Variants in KCNMA1 observed in about 807,000 individuals in gnomAD.
The protein encoded by KCNMA1 is Calcium-activated potassium channel subunit alpha-1.
In KCNMA1, 29 loss-of-function variants were observed where a neutral mutation model predicts 140.0. The ratio of observed to expected loss-of-function variants is 0.21; its 90% CI spans 0.15 to 0.28. The LOEUF (loss-of-function observed/expected upper bound fraction) is 0.28, where lower values mean the gene tolerates loss of function less well. KCNMA1 is among the 10% of genes least tolerant of loss of function. KCNMA1 has a pLI of 1.00. For synonymous variants in KCNMA1, 612 were observed against 611.9 expected (o/e 1.00, Z 0.00); for missense variants, 880 against 1,602.2 (o/e 0.55, Z 7.70).
At chr10:77,529,359 C>T (rs1361921032) in intron 1 of KCNMA1, among the ~76,000 whole-genome samples, 1 of 151,972 alleles carries the variant, frequency 6.6e-6, no homozygotes, top group East Asian at 1.9e-4. Context: ...GCCAGCCTAG[C>T]TCCTCTCAGC....
chr10:77,605,888 T>C (rs995745249), intron 1 of KCNMA1, among the ~76,000 whole-genome samples: 4 of 152,218 alleles, frequency 2.6e-5, no homozygotes, highest in African/African-American at 9.6e-5. Flanking sequence ...CTAGGACTTA[T>C]GGAGGATGTG....
At chr10:77,369,367 G>A (rs1163175932) in intron 2 of KCNMA1, among the ~76,000 whole-genome samples, 2 of 152,184 alleles carry the variant, frequency 1.3e-5, no homozygotes, top group East Asian at 3.8e-4. Context: ...AATCTCTGAA[G>A]GGGGACCTAG....
Position 77,376,948 on chromosome 10 carries a change from A to AATACATACATACATACATACATAC in KCNMA1, c.540+26890_540+26913dup, listed in dbSNP as rs66548732. Among the ~76,000 whole-genome samples, 671 of 148,420 alleles carry AATACATACATACATACATACATAC rather than the reference A, an allele frequency of 4.5e-3. 4 individuals are homozygous for AATACATACATACATACATACATAC. Among genetic ancestry groups the AATACATACATACATACATACATAC allele is most frequent in the Non-Finnish European group, 4.9e-3 (328 of 67,354 alleles). The stretch of plus-strand genomic sequence containing the variant: ...GCAAGATTCCCTCTCAAAATAAATA[A>AATACATACATACATACATACATAC]ATACATACATACATACATACATACA... On this transcript the variant is annotated intron_variant, in intron 2 of 27. Coordinates refer to ENST00000286628, the MANE Select transcript of KCNMA1 (RefSeq NM_001161352.2).
At chr10:77,194,383 T>C (rs2039716845) in intron 3 of KCNMA1, among the ~76,000 whole-genome samples, 1 of 152,198 alleles carries the variant, frequency 6.6e-6, no homozygotes, top group Non-Finnish European at 1.5e-5. Context: ...TTGGACTCTT[T>C]GGGCCTCCCC....
intron 3 of KCNMA1, among the ~76,000 whole-genome samples, chr10:77,216,666 A>G (rs1241516024): frequency 6.6e-6 from 1 of 152,256 alleles, no homozygotes; most frequent in Non-Finnish European, 1.5e-5. Context: ...TCTAGGTACC[A>G]GCTTCTGAAG....
chr10:76,949,010 G>T, intron 22 of KCNMA1, 132 bp downstream of exon 22: 1 of 838,132 alleles, frequency 1.2e-6, no homozygotes. Flanking sequence ...TAGGGGAAGT[G>T]CTGAGTCCTC....
chr10:77,353,589 G>T (rs1382338224), intron 2 of KCNMA1, among the ~76,000 whole-genome samples: 2 of 151,236 alleles, frequency 1.3e-5, no homozygotes, highest in African/African-American at 4.9e-5. Flanking sequence ...ATATATGAAG[G>T]TATATATAAT....
chr10:77,258,641 A>T (rs2061331672), intron 2 of KCNMA1, among the ~76,000 whole-genome samples: 7 of 152,168 alleles, frequency 4.6e-5, no homozygotes, highest in Admixed American at 3.9e-4. Flanking sequence ...TGTTCTTGTC[A>T]TTCCTAAGTC....
intron 19 of KCNMA1, among the ~76,000 whole-genome samples, chr10:76,981,293 GCC>G (rs946386991): frequency 2.6e-5 from 4 of 151,952 alleles, no homozygotes; most frequent in African/African-American, 9.7e-5. Flanking sequence ...GTTTCATATG[GCC>G]CCAATGAAGT....
chr10:77,298,070 A>G (rs920277940), intron 2 of KCNMA1, among the ~76,000 whole-genome samples: 4 of 152,166 alleles, frequency 2.6e-5, no homozygotes, highest in African/African-American at 9.7e-5. Flanking sequence ...AGACATTTAT[A>G]TCCAAACCAG....
intron 2 of KCNMA1, among the ~76,000 whole-genome samples, chr10:77,278,904 G>A (rs2067499088): frequency 6.6e-6 from 1 of 152,208 alleles, no homozygotes; most frequent in African/African-American, 2.4e-5. Context: ...ATTTGTTACA[G>A]ACATTCCTGT....
At chr10:77,083,002 A>G (rs1007012887) in intron 12 of KCNMA1, among the ~76,000 whole-genome samples, 16 of 152,342 alleles carry the variant, frequency 1.1e-4, no homozygotes, top group African/African-American at 3.8e-4. Context: ...GACAAAGGCA[A>G]TGCAAACATT....
intron 14 of KCNMA1, among the ~76,000 whole-genome samples, chr10:77,045,420 A>T (rs2094984959): frequency 6.6e-6 from 1 of 152,230 alleles, no homozygotes; most frequent in Non-Finnish European, 1.5e-5. Flanking sequence ...CATCAAATAC[A>T]CACGGGATCA....
intron 1 of KCNMA1, among the ~76,000 whole-genome samples, chr10:77,546,861 C>T (rs991163400): frequency 6.6e-5 from 10 of 152,188 alleles, no homozygotes; most frequent in South Asian, 2.1e-4. Context: ...TACTATGTGT[C>T]GGGCTCTGTG....
At chr10:77,081,525 C>T (rs923467944) in intron 12 of KCNMA1, among the ~76,000 whole-genome samples, 2 of 152,092 alleles carry the variant, frequency 1.3e-5, no homozygotes, top group African/African-American at 4.8e-5. Flanking sequence ...CACCCAGCAG[C>T]GCTCCCCACT....
chr10:77,496,514 G>A (rs541187790), intron 1 of KCNMA1, among the ~76,000 whole-genome samples: 10 of 148,196 alleles, frequency 6.7e-5, no homozygotes, highest in East Asian at 2.2e-4. Flanking sequence ...GGAGAATGGC[G>A]TGAACCCGGG....
intron 3 of KCNMA1, among the ~76,000 whole-genome samples, chr10:77,192,837 A>T (rs893166151): frequency 6.6e-6 from 1 of 152,168 alleles, no homozygotes. Flanking sequence ...CCAAATGCCC[A>T]ACAGGCTGTG....
rs115772068 is a variant in KCNMA1, at chr10:76,910,062, G to A, written c.3051C>T (p.Asp1017=). 2.8e-4 allele frequency: 458 copies of A among 1,614,008 alleles called. 3 individuals are homozygous for A. In the African/African-American group the frequency reaches 4.7e-3, roughly 16 times the overall value. Residue 1017 remains aspartate (D), a synonymous_variant, in exon 25 of 28, where the codon GAC becomes GAT. Coordinates refer to ENST00000286628, the MANE Select transcript of KCNMA1 (RefSeq NM_001161352.2). ...NDTNVQFLDQ[D]DDDDPDTELY... ...GTTCTGTATCAGGGTCATCATCATC[G>A]TCTTGGTCCAAAAACTGAACATTAG...
At chr10:76,920,131 A>C (rs907983752) in intron 23 of KCNMA1, among the ~76,000 whole-genome samples, 15 of 148,940 alleles carry the variant, frequency 1.0e-4, no homozygotes, top group Non-Finnish European at 2.1e-4. Context: ...TGGCTGGAAA[A>C]GGGTTCCAGG....
Sources: allele counts gnomAD v4.1 joint callset (sites outside exome capture counted in the v4.1 genomes callset), GRCh38; gene constraint gnomAD v4.1.1; transcripts MANE v1.5; gene names NCBI Gene and HGNC (gene_info 2026-07-23, HGNC 2026-07-21).